The following BMAL1 variants were observed in gnomAD, a reference collection of about 807,000 sequenced individuals.
BMAL1 encodes basic helix-loop-helix ARNT-like protein 1.
chr11:13,354,467 G>A, the BMAL1 span: 1 of 1,609,422 alleles, frequency 6.2e-7, no homozygotes, highest in Non-Finnish European at 8.5e-7. Flanking sequence ...TTTGGGGCAT[G>A]TCTTCCTCTT....
the BMAL1 span, among the ~76,000 whole-genome samples, chr11:13,351,290 G>A: frequency 1.4e-4 from 21 of 152,206 alleles, no homozygotes; most frequent in East Asian, 3.8e-4. Flanking sequence ...GATTGAATGC[G>A]GGTTGTGAAA....
the BMAL1 span, among the ~76,000 whole-genome samples, chr11:13,293,766 C>T: frequency 2.0e-5 from 3 of 152,236 alleles, no homozygotes; most frequent in Non-Finnish European, 2.9e-5. Flanking sequence ...GCCATTTGCT[C>T]ATTCCTCTGT....
chr11:13,340,848 A>T, the BMAL1 span, among the ~76,000 whole-genome samples: 1 of 152,150 alleles, frequency 6.6e-6, no homozygotes, highest in African/African-American at 2.4e-5. Context: ...GCCATAGTGG[A>T]CGCCACTGAG....
chr11:13,278,834 A>C, the BMAL1 span, among the ~76,000 whole-genome samples: 1 of 152,204 alleles, frequency 6.6e-6, no homozygotes, highest in Non-Finnish European at 1.5e-5. Flanking sequence ...CCGCTCGGCT[A>C]TTGCCGGGCG....
At chr11:13,286,027 G>GT in the BMAL1 span, among the ~76,000 whole-genome samples, 1 of 152,148 alleles carries the variant, frequency 6.6e-6, no homozygotes, top group African/African-American at 2.4e-5. Flanking sequence ...TGTTCCAAAA[G>GT]TTTATTTGTA....
the BMAL1 span, chr11:13,373,999 C>A: frequency 2.8e-6 from 3 of 1,060,894 alleles, no homozygotes; most frequent in Non-Finnish European, 2.8e-6. Context: ...TTTGACCTTG[C>A]TCTCATAGGC....
chr11:13,334,026 A>G, the BMAL1 span, among the ~76,000 whole-genome samples: 3 of 152,184 alleles, frequency 2.0e-5, no homozygotes, highest in Admixed American at 2.0e-4. Context: ...AGTGCTTGCC[A>G]TGGGCCAGGC....
chr11:13,307,190 G>A, the BMAL1 span, among the ~76,000 whole-genome samples: 2 of 152,216 alleles, frequency 1.3e-5, no homozygotes, highest in East Asian at 3.9e-4. Flanking sequence ...ATGGCTTACT[G>A]TAATAGATTT....
the BMAL1 span, among the ~76,000 whole-genome samples, chr11:13,374,514 A>G: frequency 4.5e-4 from 68 of 152,016 alleles, no homozygotes; most frequent in African/African-American, 1.5e-3. Flanking sequence ...AGCCTGCACT[A>G]CCTCCTGTGT....
chr11:13,360,449 TACA>T, the BMAL1 span: 12 of 1,596,906 alleles, frequency 7.5e-6, no homozygotes, highest in Non-Finnish European at 9.4e-6. Flanking sequence ...GGGATTGTTT[TACA>T]ACGTTTGTTT....
At chr11:13,296,343 C>G in the BMAL1 span, among the ~76,000 whole-genome samples, 4 of 152,138 alleles carry the variant, frequency 2.6e-5, no homozygotes, top group Non-Finnish European at 5.9e-5. Context: ...TCTGTAAGTT[C>G]TTTGCCTCCT....
At chr11:13,296,015 G>T in the BMAL1 span, among the ~76,000 whole-genome samples, 1 of 152,126 alleles carries the variant, frequency 6.6e-6, no homozygotes, top group Non-Finnish European at 1.5e-5. Flanking sequence ...GTGCTCACAG[G>T]ACCTTTCTGC....
the BMAL1 span, among the ~76,000 whole-genome samples, chr11:13,298,552 A>G: frequency 3.3e-5 from 5 of 152,306 alleles, no homozygotes; most frequent in Admixed American, 2.6e-4. Flanking sequence ...TCAACAGAAC[A>G]TAAGCTTGAT....
chr11:13,321,372 G>A, the BMAL1 span, among the ~76,000 whole-genome samples: 2 of 152,200 alleles, frequency 1.3e-5, no homozygotes, highest in Non-Finnish European at 2.9e-5. Context: ...TCCCCAGAAT[G>A]TCAGAGCAGC....
At chr11:13,377,844 T>C in the BMAL1 span, among the ~76,000 whole-genome samples, 1 of 152,260 alleles carries the variant, frequency 6.6e-6, no homozygotes, top group African/African-American at 2.4e-5. Context: ...TTCTCCTCCT[T>C]ACCTCTCTGC....
the BMAL1 span, among the ~76,000 whole-genome samples, chr11:13,357,529 TA>T: frequency 6.6e-6 from 1 of 152,102 alleles, no homozygotes; most frequent in African/African-American, 2.4e-5. This position sits in a 1 kb window ranked among gnomAD's most constrained non-coding sequence, Gnocchi z 4.8. Context: ...GTGTCTCGAG[TA>T]GATTCTCTGC....
At chr11:13,366,287 CA>C in the BMAL1 span, among the ~76,000 whole-genome samples, 1 of 152,164 alleles carries the variant, frequency 6.6e-6, no homozygotes, top group African/African-American at 2.4e-5. Context: ...TGTTAATAGA[CA>C]AGGTGACTGA....
At chr11:13,348,030 C>T in the BMAL1 span, among the ~76,000 whole-genome samples, 3 of 152,070 alleles carry the variant, frequency 2.0e-5, no homozygotes, top group Non-Finnish European at 4.4e-5. Context: ...AGGAGACACG[C>T]CTACAAGCAG....
chr11:13,364,684 C>A, the BMAL1 span, among the ~76,000 whole-genome samples: 2 of 152,152 alleles, frequency 1.3e-5, no homozygotes, highest in African/African-American at 2.4e-5. Flanking sequence ...AGCTCTCAGG[C>A]ACTATAGCTT....
Sources: allele counts gnomAD v4.1 joint callset (sites outside exome capture counted in the v4.1 genomes callset), GRCh38; gene constraint gnomAD v4.1.1; non-coding constraint Gnocchi (gnomAD v3.1); transcripts MANE v1.5; gene names NCBI Gene and HGNC (gene_info 2026-07-23, HGNC 2026-07-21).